DENND1B: variants seen among roughly 807,000 people sequenced by gnomAD.
DENND1B encodes DENN domain containing 1B.
In DENND1B, 59 loss-of-function variants were observed where a neutral mutation model predicts 90.1. That is an observed-to-expected ratio of 0.65 (90% CI 0.53 to 0.81). DENND1B has a LOEUF of 0.81. Ranked by LOEUF, DENND1B falls within the 40% of genes least tolerant of loss-of-function variation. DENND1B has a pLI of 0.00. For missense variants in DENND1B, 862 were observed against 912.6 expected (o/e 0.94, Z 0.71); for synonymous variants, 337 against 324.6 (o/e 1.04, Z -0.41).
At chr1:197,615,674 G>C (rs1184107065) in intron 11 of DENND1B, among the ~76,000 whole-genome samples, 1 of 150,858 alleles carries the variant, frequency 6.6e-6, no homozygotes, top group South Asian at 2.1e-4. Context: ...AAACAGTTTA[G>C]TTTACCAAGT....
At chr1:197,740,442 A>T (rs746710449) in intron 2 of DENND1B, among the ~76,000 whole-genome samples, 26 of 152,288 alleles carry the variant, frequency 1.7e-4, no homozygotes, top group Non-Finnish European at 3.7e-4. Flanking sequence ...AATTATGAGC[A>T]AGAGATCCCT....
chr1:197,734,071 T>C, intron 2 of DENND1B: 2 of 954,270 alleles, frequency 2.1e-6, no homozygotes, highest in Non-Finnish European at 2.5e-6. Flanking sequence ...GAAATTCTGC[T>C]ACTGTATTTT....
At chr1:197,549,908 TGAATCTA>T (rs560838933) in intron 16 of DENND1B, among the ~76,000 whole-genome samples, 187 of 152,294 alleles carry the variant, frequency 1.2e-3, no homozygotes, top group Admixed American at 4.5e-3. Flanking sequence ...GATTCAAATG[TGAATCTA>T]GATGTTCCTT....
intron 14 of DENND1B, among the ~76,000 whole-genome samples, chr1:197,588,949 C>T (rs956770462): frequency 1.3e-5 from 2 of 151,930 alleles, no homozygotes; most frequent in African/African-American, 4.8e-5. Flanking sequence ...CCTCAAGTTG[C>T]TGGATCTGTC....
intron 18 of DENND1B, among the ~76,000 whole-genome samples, chr1:197,542,194 T>A (rs894281186): frequency 1.3e-5 from 2 of 152,180 alleles, no homozygotes; most frequent in African/African-American, 4.8e-5. Flanking sequence ...GAAAACCGTT[T>A]AGCCAAATAA....
Position 197,607,615 on chromosome 1 carries a change from A to T in DENND1B, c.820-441T>A, listed in dbSNP as rs1043454116. 1.5e-4 allele frequency among the ~76,000 whole-genome samples: 22 copies of T among 150,698 alleles called. 1 individual carries two copies. Among genetic ancestry groups the T allele is most frequent in the Admixed American group, 9.9e-4 (15 of 15,078 alleles). On this transcript the variant is annotated intron_variant, in intron 12 of 22. Transcript: ENST00000620048. Reference sequence around the variant, plus strand: ...ACTACAGCATTAAACTATAATTTAAATTTTTTGTCTATATTCTATACAAAA... The same window carrying T: ...ACTACAGCATTAAACTATAATTTAATTTTTTTGTCTATATTCTATACAAAA...
At chr1:197,750,688 T>C (rs1384040651) in intron 2 of DENND1B, among the ~76,000 whole-genome samples, 2 of 152,242 alleles carry the variant, frequency 1.3e-5, no homozygotes, top group Middle Eastern at 3.4e-3. Context: ...AAACACTAAT[T>C]ATGAGGAAGG....
intron 15 of DENND1B, among the ~76,000 whole-genome samples, chr1:197,559,159 C>T (rs1163633227): frequency 2.6e-5 from 4 of 151,886 alleles, no homozygotes; most frequent in Non-Finnish European, 5.9e-5. Flanking sequence ...ACAAGTTATG[C>T]TATTATCAGT....
At chr1:197,768,557 T>C (rs1039911955) in intron 2 of DENND1B, among the ~76,000 whole-genome samples, 30 of 152,066 alleles carry the variant, frequency 2.0e-4, no homozygotes, top group African/African-American at 7.2e-4. Flanking sequence ...ACAAAAAGAA[T>C]AAGAACACTA....
In DENND1B at chr1:197,603,135, T is replaced by C. The variant is rs552892295; in HGVS notation, c.921+3938A>G. On this transcript the variant is annotated intron_variant, in intron 13 of 22. Transcript: ENST00000620048. ...GTACCATATTTTCTATACACCCTCA[T>C]AGTAGAAAACAGAAAATCATTTTCC... is the stretch of plus-strand genomic sequence containing the variant. Among the ~76,000 whole-genome samples, 156 of 151,478 alleles carry C rather than the reference T, an allele frequency of 1.0e-3. 1 individual carries two copies. The highest frequency in any genetic ancestry group is 0.01 in the Middle Eastern group (3 of 294).
intron 3 of DENND1B, among the ~76,000 whole-genome samples, chr1:197,713,813 A>T (rs1271022573): frequency 1.9e-4 from 10 of 52,362 alleles, no homozygotes; most frequent in African/African-American, 8.5e-4. Flanking sequence ...ATAATATATT[A>T]TATATAATAT....
intron 10 of DENND1B, among the ~76,000 whole-genome samples, chr1:197,623,223 C>A (rs894507170): frequency 3.3e-5 from 5 of 151,412 alleles, no homozygotes; most frequent in South Asian, 4.2e-4. Flanking sequence ...AGAGACCTCA[C>A]CTGATTTTTA....
chr1:197,702,104 C>G (rs1223899616), intron 3 of DENND1B, among the ~76,000 whole-genome samples: 1 of 152,094 alleles, frequency 6.6e-6, no homozygotes, highest in African/African-American at 2.4e-5. Context: ...ACTGTTCTGA[C>G]TAACTTCTAG....
chr1:197,552,956 A>C (rs1329334037), intron 16 of DENND1B, 66 bp downstream of exon 16: 1 of 1,545,934 alleles, frequency 6.5e-7, no homozygotes, highest in Admixed American at 2.4e-5. Flanking sequence ...TTTATCAGAC[A>C]CAAGTGCAAA....
intron 3 of DENND1B, among the ~76,000 whole-genome samples, chr1:197,692,693 GGAGGAAGTGAAATATATT>G (rs1658029671): frequency 2.0e-5 from 3 of 151,758 alleles, no homozygotes; most frequent in Non-Finnish European, 4.4e-5. Context: ...TATATCAAAA[GGAGGAAGTGAAATATATT>G]GTTTACCTCT....
intron 10 of DENND1B, among the ~76,000 whole-genome samples, chr1:197,630,216 C>T (rs1330935568): frequency 6.6e-6 from 1 of 152,006 alleles, no homozygotes. Context: ...TCTCTTTGGG[C>T]TACTATAACA....
chr1:197,697,476 C>T (rs1658554452), intron 3 of DENND1B, among the ~76,000 whole-genome samples: 2 of 151,628 alleles, frequency 1.3e-5, no homozygotes, highest in African/African-American at 2.4e-5. Context: ...CAGTGTCCTC[C>T]ACTCTCACCC....
chr1:197,770,435 G>C (rs994928605), intron 2 of DENND1B, among the ~76,000 whole-genome samples: 2 of 151,792 alleles, frequency 1.3e-5, no homozygotes, highest in African/African-American at 4.8e-5. Context: ...AGGAAGAAGG[G>C]AGTAAACCAC....
intron 2 of DENND1B, among the ~76,000 whole-genome samples, chr1:197,726,209 T>C (rs1476526239): frequency 6.6e-6 from 1 of 152,048 alleles, no homozygotes; most frequent in Non-Finnish European, 1.5e-5. Context: ...ATAGTGGGTG[T>C]TTTATGAACC....
Sources: gnomAD v4.1 joint callset for allele counts (sites outside exome capture counted in the v4.1 genomes callset) on GRCh38, gnomAD v4.1.1 for gene constraint, MANE v1.5 for transcripts, NCBI Gene and HGNC (gene_info 2026-07-23, HGNC 2026-07-21) for gene names.